The following PCSK5 variants were observed in gnomAD, a reference collection of about 807,000 sequenced individuals.
The protein encoded by PCSK5 is proprotein convertase subtilisin/kexin type 5.
A neutral mutation model predicts 233.2 loss-of-function variants in PCSK5; 129 were observed. That is an observed-to-expected ratio of 0.55 (90% CI 0.48 to 0.64). PCSK5 has a LOEUF of 0.64. PCSK5 is among the 30% of genes least tolerant of loss of function. The pLI, the probability that PCSK5 is intolerant of heterozygous loss-of-function variation, is 0.00. For missense variants in PCSK5, 2,076 were observed against 2,430.1 expected (o/e 0.85, Z 3.06); for synonymous variants, 825 against 879.2 (o/e 0.94, Z 1.09).
intron 1 of PCSK5, among the ~76,000 whole-genome samples, chr9:75,930,051 C>CG (rs1401528451): frequency 1.3e-5 from 2 of 151,904 alleles, no homozygotes; most frequent in Non-Finnish European, 2.9e-5. Flanking sequence ...TTAGTAGAGA[C>CG]GGGGTTTCAC....
chr9:75,897,810 A>C (rs1013002507), intron 1 of PCSK5, among the ~76,000 whole-genome samples: 1 of 152,180 alleles, frequency 6.6e-6, no homozygotes, highest in Admixed American at 6.5e-5. Context: ...TTAAAGTATC[A>C]AAACTTAGTC....
chr9:76,332,322 A>G, intron 33 of PCSK5, 111 bp from the exon 34 acceptor site: 1 of 704,886 alleles, frequency 1.4e-6, no homozygotes, highest in South Asian at 1.9e-5. Flanking sequence ...GGATCATCCC[A>G]TTCCTCCTGC....
At chr9:75,944,828 G>T (rs932299527) in intron 2 of PCSK5, among the ~76,000 whole-genome samples, 1 of 152,116 alleles carries the variant, frequency 6.6e-6, no homozygotes, top group East Asian at 1.9e-4. Context: ...AAAATAACAT[G>T]TCCAGGCGCG....
At chr9:76,219,589 C>T (rs548290844) in intron 20 of PCSK5, among the ~76,000 whole-genome samples, 28 of 152,224 alleles carry the variant, frequency 1.8e-4, no homozygotes, top group African/African-American at 5.8e-4. Context: ...GGGCCACGCT[C>T]CTGAAAATTT....
At chr9:76,061,415 G>A (rs754025431) in intron 5 of PCSK5, among the ~76,000 whole-genome samples, 10 of 152,058 alleles carry the variant, frequency 6.6e-5, no homozygotes, top group African/African-American at 1.2e-4. Flanking sequence ...CAAGTAAGTC[G>A]TGGGCCAAAT....
At chr9:75,903,397 G>C (rs756828777) in intron 1 of PCSK5, among the ~76,000 whole-genome samples, 1 of 151,396 alleles carries the variant, frequency 6.6e-6, no homozygotes, top group East Asian at 1.9e-4. Flanking sequence ...TATCTGAGAG[G>C]TTAATTCTAT....
intron 5 of PCSK5, among the ~76,000 whole-genome samples, chr9:76,049,159 A>G (rs1477365972): frequency 6.6e-6 from 1 of 152,154 alleles, no homozygotes; most frequent in Non-Finnish European, 1.5e-5. Flanking sequence ...ATGTGTCCCC[A>G]TAAAGCCTAA....
At chr9:75,988,988 TC>T (rs1364763488) in intron 3 of PCSK5, among the ~76,000 whole-genome samples, 1 of 152,148 alleles carries the variant, frequency 6.6e-6, no homozygotes, top group East Asian at 1.9e-4. Flanking sequence ...GAATGGTGGG[TC>T]CCCTGTGGGA....
At chr9:75,935,302 C>T (rs528409537) in intron 2 of PCSK5, among the ~76,000 whole-genome samples, 78 of 152,090 alleles carry the variant, frequency 5.1e-4, no homozygotes, top group African/African-American at 1.6e-3. Context: ...CTCCTCTCCT[C>T]GTGATCCACC....
intron 16 of PCSK5, among the ~76,000 whole-genome samples, chr9:76,182,324 T>TAA (rs1177370381): frequency 7.9e-5 from 12 of 152,184 alleles, no homozygotes; most frequent in Admixed American, 2.6e-4. Flanking sequence ...TATGACTGTC[T>TAA]TTTAAGAGTA....
chr9:75,918,646 G>A (rs950779393), intron 1 of PCSK5, among the ~76,000 whole-genome samples: 25 of 152,092 alleles, frequency 1.6e-4, no homozygotes, highest in Admixed American at 9.2e-4. Flanking sequence ...TAGCATAATC[G>A]TTTGTATTTT....
At chr9:76,311,804 C>T (rs1166856629) in intron 30 of PCSK5, among the ~76,000 whole-genome samples, 1 of 152,208 alleles carries the variant, frequency 6.6e-6, no homozygotes, top group African/African-American at 2.4e-5. Context: ...TTGTACCTTC[C>T]TTAGCTCATC....
chr9:76,047,646 A>T (rs917166765), intron 5 of PCSK5, among the ~76,000 whole-genome samples: 9 of 152,270 alleles, frequency 5.9e-5, no homozygotes, highest in African/African-American at 2.2e-4. Context: ...TCTCTTATTT[A>T]ATCTACAACT....
chr9:76,130,914 CT>C (rs1223175589), intron 9 of PCSK5, among the ~76,000 whole-genome samples: 1 of 152,120 alleles, frequency 6.6e-6, no homozygotes, highest in African/African-American at 2.4e-5. Context: ...GTGGGTTAGA[CT>C]TTTGATCTCT....
At chr9:75,893,734 T>C (rs1449112884) in intron 1 of PCSK5, among the ~76,000 whole-genome samples, 2 of 152,220 alleles carry the variant, frequency 1.3e-5, no homozygotes, top group African/African-American at 4.8e-5. Context: ...AAAGTTTACA[T>C]ACAAATAACA....
chr9:76,312,608 T>C (rs1828895592), intron 30 of PCSK5, among the ~76,000 whole-genome samples: 1 of 151,970 alleles, frequency 6.6e-6, no homozygotes, highest in Non-Finnish European at 1.5e-5. Context: ...TAAATATAAG[T>C]TATGAGTATA....
chr9:75,918,768 G>T (rs1823117005), intron 1 of PCSK5, among the ~76,000 whole-genome samples: 1 of 152,154 alleles, frequency 6.6e-6, no homozygotes, highest in South Asian at 2.1e-4. Flanking sequence ...GATTCTCAAG[G>T]TTGCTTTTTG....
chr9:75,936,700 A>G (rs1824070959), intron 2 of PCSK5, among the ~76,000 whole-genome samples: 1 of 152,104 alleles, frequency 6.6e-6, no homozygotes, highest in African/African-American at 2.4e-5. Flanking sequence ...CCTCAAAGTC[A>G]TCCATGAGGG....
intron 24 of PCSK5, among the ~76,000 whole-genome samples, chr9:76,283,532 A>G (rs2131392043): frequency 6.6e-6 from 1 of 152,384 alleles, no homozygotes; most frequent in Middle Eastern, 3.4e-3. Context: ...AGACTACAGT[A>G]TAGTGTATTA....
Sources: allele counts gnomAD v4.1 joint callset (sites outside exome capture counted in the v4.1 genomes callset), GRCh38; gene constraint gnomAD v4.1.1; transcripts MANE v1.5; gene names NCBI Gene and HGNC (gene_info 2026-07-23, HGNC 2026-07-21).